Variants in MAF observed in about 807,000 individuals in gnomAD.
MAF encodes transcription factor Maf.
Under a neutral mutation model 22.0 loss-of-function variants are expected in MAF, and 10 were observed. The observed-to-expected ratio is 0.45, with a 90% CI of 0.28 to 0.77. The LOEUF (loss-of-function observed/expected upper bound fraction) is 0.77. Ranked by LOEUF, MAF falls within the 30% of genes least tolerant of loss-of-function variation. The pLI is 0.12. For synonymous variants in MAF, 337 were observed against 255.8 expected, an observed-to-expected ratio of 1.32 and a Z score of -3.03; for missense variants, 544 against 548.4, an observed-to-expected ratio of 0.99 and a Z score of 0.08.
At chr16:79,244,679 G>A in the MAF span, among the ~76,000 whole-genome samples, 3 of 152,116 alleles carry the variant, frequency 2.0e-5, no homozygotes, top group East Asian at 3.9e-4. Context: ...TCCCCATCAA[G>A]CTACCATTGA....
chr16:79,585,286 C>A (rs2143691067), downstream of MAF, among the ~76,000 whole-genome samples: 1 of 152,284 alleles, frequency 6.6e-6, no homozygotes, highest in East Asian at 1.9e-4. Context: ...CACCCATCTC[C>A]TCCTTCCCCT....
At chr16:79,333,327 G>T in the MAF span, among the ~76,000 whole-genome samples, 1 of 152,074 alleles carries the variant, frequency 6.6e-6, no homozygotes, top group Admixed American at 6.5e-5. Flanking sequence ...TGGGTTAATC[G>T]GAATCCTACT....
chr16:79,556,103 A>G, the MAF span, among the ~76,000 whole-genome samples: 1 of 152,232 alleles, frequency 6.6e-6, no homozygotes, highest in Non-Finnish European at 1.5e-5. Context: ...TTAATTTTAA[A>G]TAATGGCTGT....
At chr16:79,586,065 A>G in intron 1 of MAF, 1 of 540,894 alleles carries the variant, frequency 1.8e-6, no homozygotes, top group East Asian at 3.1e-5. Context: ...CCAAAAGAAG[A>G]GTGATTTTGT....
At chr16:79,443,176 C>T in the MAF span, among the ~76,000 whole-genome samples, 6 of 152,114 alleles carry the variant, frequency 3.9e-5, no homozygotes, top group African/African-American at 1.4e-4. Context: ...CTGCCTCTCT[C>T]CTTGGTGTCC....
chr16:79,212,121 A>T, the MAF span: 4 of 1,534,020 alleles, frequency 2.6e-6, no homozygotes, highest in Non-Finnish European at 3.5e-6. Flanking sequence ...TTTTACTGTT[A>T]TAGAATAGCC....
the MAF span, among the ~76,000 whole-genome samples, chr16:79,520,724 G>T: frequency 6.6e-6 from 1 of 152,052 alleles, no homozygotes; most frequent in Non-Finnish European, 1.5e-5. Context: ...GGTGGTCTTG[G>T]GCCACATTAG....
At chr16:79,476,061 T>A in the MAF span, among the ~76,000 whole-genome samples, 9 of 152,192 alleles carry the variant, frequency 5.9e-5, no homozygotes, top group Admixed American at 5.2e-4. Flanking sequence ...AGGTGATGGC[T>A]TGGAAGAGAA....
At chr16:79,310,811 C>G in the MAF span, among the ~76,000 whole-genome samples, 41 of 152,190 alleles carry the variant, frequency 2.7e-4, no homozygotes, top group Admixed American at 9.2e-4. Context: ...CCTGAGTAGT[C>G]CCTGGTCGTG....
the MAF span, among the ~76,000 whole-genome samples, chr16:79,209,321 A>G: frequency 6.6e-6 from 1 of 152,232 alleles, no homozygotes. Context: ...ATACCATTCC[A>G]GTAATGCAAG....
chr16:79,561,559 A>T, the MAF span, among the ~76,000 whole-genome samples: 2 of 150,784 alleles, frequency 1.3e-5, no homozygotes, highest in Non-Finnish European at 2.9e-5. Context: ...GAGTGAGAAC[A>T]TGCAGTGTTT....
chr16:79,214,205 G>A, the MAF span, among the ~76,000 whole-genome samples: 1 of 151,912 alleles, frequency 6.6e-6, no homozygotes, highest in Non-Finnish European at 1.5e-5. Context: ...TACACATTAT[G>A]TGTCTATTTT....
chr16:79,567,152 T>G, the MAF span, among the ~76,000 whole-genome samples: 1 of 152,172 alleles, frequency 6.6e-6, no homozygotes, highest in Non-Finnish European at 1.5e-5. Flanking sequence ...ACCCTGTCTC[T>G]ACTAAAAATA....
the MAF span, among the ~76,000 whole-genome samples, chr16:79,313,675 C>T: frequency 9.9e-5 from 15 of 152,260 alleles, no homozygotes; most frequent in African/African-American, 3.6e-4. Flanking sequence ...TGGGTGAGGA[C>T]TTCTGCTTTT....
chr16:79,357,586 C>T, the MAF span, among the ~76,000 whole-genome samples: 2 of 152,166 alleles, frequency 1.3e-5, no homozygotes, highest in East Asian at 3.9e-4. Context: ...TTTGCAGTTA[C>T]TGGAGTGACT....
the MAF span, among the ~76,000 whole-genome samples, chr16:79,474,985 A>C: frequency 1.3e-5 from 2 of 152,240 alleles, no homozygotes; most frequent in Non-Finnish European, 1.5e-5. Context: ...CTTTGTAGAC[A>C]CTGTGCTGGT....
the MAF span, among the ~76,000 whole-genome samples, chr16:79,477,869 C>G: frequency 4.0e-5 from 6 of 151,712 alleles, no homozygotes; most frequent in African/African-American, 1.5e-4. Flanking sequence ...GGACTACAGG[C>G]GCGTGCCACC....
the MAF span, among the ~76,000 whole-genome samples, chr16:79,497,655 C>T: frequency 6.6e-6 from 1 of 152,224 alleles, no homozygotes; most frequent in African/African-American, 2.4e-5. Context: ...GTGGGTTCAT[C>T]CTTGTCATGC....
the MAF span, among the ~76,000 whole-genome samples, chr16:79,449,987 G>T: frequency 2.4e-4 from 36 of 152,174 alleles, no homozygotes. Flanking sequence ...GTTTGGAATT[G>T]ACAGACGCCG....
Sources: gnomAD v4.1 joint callset for allele counts (sites outside exome capture counted in the v4.1 genomes callset) on GRCh38, gnomAD v4.1.1 for gene constraint, MANE v1.5 for transcripts, NCBI Gene and HGNC (gene_info 2026-07-23, HGNC 2026-07-21) for gene names.